Variants in IMMP2L observed in about 807,000 individuals in gnomAD.
IMMP2L encodes mitochondrial inner membrane protease subunit 2.
Under a neutral mutation model 19.3 loss-of-function variants are expected in IMMP2L, and 18 were observed. That is an observed-to-expected ratio of 0.93 (90% CI 0.64 to 1.38). The LOEUF is 1.38. IMMP2L is among the 40% of genes most tolerant of loss of function. The pLI, the probability that IMMP2L is intolerant of heterozygous loss-of-function variation, is 0.00. For synonymous variants in IMMP2L, 76 were observed against 73.0 expected, an observed-to-expected ratio of 1.04 and a Z score of -0.21; for missense variants, 233 against 218.2, an observed-to-expected ratio of 1.07 and a Z score of -0.43.
At chr7:111,168,517 T>C (rs1586663966) in intron 3 of IMMP2L, among the ~76,000 whole-genome samples, 1 of 151,942 alleles carries the variant, frequency 6.6e-6, no homozygotes, top group African/African-American at 2.4e-5. Flanking sequence ...AACCAGTTTA[T>C]ATTTTTTGGG....
chr7:111,047,188 T>G (rs1055145954), intron 3 of IMMP2L, among the ~76,000 whole-genome samples: 80 of 126,078 alleles, frequency 6.3e-4, no homozygotes, highest in East Asian at 6.0e-3. Context: ...TTTTTTTTGT[T>G]TTTTTTTTGT....
At chr7:111,223,824 G>GAATT (rs1197178788) in intron 3 of IMMP2L, among the ~76,000 whole-genome samples, 1 of 152,068 alleles carries the variant, frequency 6.6e-6, no homozygotes, top group African/African-American at 2.4e-5. Context: ...AGCAGTATCA[G>GAATT]GCCTTCGCTG....
intron 3 of IMMP2L, among the ~76,000 whole-genome samples, chr7:111,468,330 A>C (rs560647386): frequency 7.9e-5 from 12 of 152,020 alleles, no homozygotes; most frequent in African/African-American, 2.9e-4. Context: ...TTTACTTACA[A>C]AAAAAAAGAA....
At chr7:110,972,877 G>C (rs1172586148) in intron 3 of IMMP2L, among the ~76,000 whole-genome samples, 1 of 152,098 alleles carries the variant, frequency 6.6e-6, no homozygotes. Flanking sequence ...TCATTTAACA[G>C]GCACCTCAGA....
intron 3 of IMMP2L, among the ~76,000 whole-genome samples, chr7:111,362,075 A>G (rs1190447025): frequency 6.6e-6 from 1 of 152,058 alleles, no homozygotes; most frequent in Non-Finnish European, 1.5e-5. Flanking sequence ...CTGTTATACC[A>G]GTCTTTTAAG....
chr7:111,142,288 T>C (rs933904631), intron 3 of IMMP2L, among the ~76,000 whole-genome samples: 2 of 145,214 alleles, frequency 1.4e-5, no homozygotes, highest in African/African-American at 5.3e-5. Flanking sequence ...ATCGCGCCAC[T>C]GTGCTCCAGC....
intron 3 of IMMP2L, among the ~76,000 whole-genome samples, chr7:111,186,060 C>A (rs1808231715): frequency 6.6e-6 from 1 of 152,104 alleles, no homozygotes. Context: ...AATAACATCA[C>A]AAATTTTAAA....
At chr7:110,813,986 G>C (rs776932711) in intron 5 of IMMP2L, among the ~76,000 whole-genome samples, 1 of 151,872 alleles carries the variant, frequency 6.6e-6, no homozygotes, top group African/African-American at 2.4e-5. Context: ...ACTTAATTCA[G>C]AACACAGGCT....
intron 5 of IMMP2L, among the ~76,000 whole-genome samples, chr7:110,782,476 G>T (rs1263668032): frequency 2.0e-5 from 3 of 151,826 alleles, no homozygotes; most frequent in African/African-American, 7.3e-5. Flanking sequence ...GGTAGAGGTG[G>T]GGGACAGATG....
chr7:111,464,808 G>A (rs747293455), intron 3 of IMMP2L, among the ~76,000 whole-genome samples: 34 of 151,312 alleles, frequency 2.2e-4, no homozygotes, highest in African/African-American at 3.2e-4. Flanking sequence ...ATTTTTTCCC[G>A]AAACGGAGCC....
intron 3 of IMMP2L, among the ~76,000 whole-genome samples, chr7:111,257,867 G>A (rs942913018): frequency 1.3e-5 from 2 of 151,694 alleles, no homozygotes; most frequent in South Asian, 2.1e-4. Context: ...TGTGCCAGTT[G>A]CTTTGCTGCA....
intron 3 of IMMP2L, among the ~76,000 whole-genome samples, chr7:111,312,895 A>G: frequency 6.6e-6 from 1 of 152,160 alleles, no homozygotes; most frequent in East Asian, 1.9e-4. Flanking sequence ...AGAATAGGAA[A>G]TTTAATACCA....
chr7:110,941,723 T>C (rs1816743528), intron 4 of IMMP2L, among the ~76,000 whole-genome samples: 1 of 152,146 alleles, frequency 6.6e-6, no homozygotes, highest in Admixed American at 6.5e-5. Flanking sequence ...ATTGAGAAAG[T>C]GAAATCTAAT....
At chr7:111,042,145 C>T (rs1234460118) in intron 3 of IMMP2L, among the ~76,000 whole-genome samples, 1 of 152,026 alleles carries the variant, frequency 6.6e-6, no homozygotes, top group Non-Finnish European at 1.5e-5. Context: ...GTTGCATGTC[C>T]TGAGTTTTAA....
chr7:110,666,941 G>A (rs1197732116), intron 5 of IMMP2L, among the ~76,000 whole-genome samples: 1 of 152,064 alleles, frequency 6.6e-6, no homozygotes, highest in African/African-American at 2.4e-5. Flanking sequence ...GCATGATCTT[G>A]GCTCACTGCA....
Position 111,026,361 on chromosome 7 carries a change from C to T in IMMP2L, c.240-62796G>A, listed in dbSNP as rs190253412. ...AAGATGGCGTGTCACAGAAAAATTT[C>T]GCCATTTAATCCTTAAAACAAAGTA... On this transcript the variant is annotated intron_variant, in intron 3 of 5. Coordinates refer to ENST00000405709, the MANE Select transcript of IMMP2L (RefSeq NM_032549.4). Among the ~76,000 whole-genome samples, 12 of 152,170 alleles carry T rather than the reference C, an allele frequency of 7.9e-5. No individual in the cohort carries two copies. The East Asian group carries it at 1.4e-3, about 17-fold the overall frequency.
chr7:110,830,703 C>T (rs1803893985), intron 5 of IMMP2L, among the ~76,000 whole-genome samples: 2 of 152,098 alleles, frequency 1.3e-5, no homozygotes, highest in Admixed American at 6.6e-5. Flanking sequence ...ATTGTCCCTA[C>T]TGTTTATAAT....
At chr7:110,713,520 T>TATTA (rs938553535) in intron 5 of IMMP2L, among the ~76,000 whole-genome samples, 1 of 152,218 alleles carries the variant, frequency 6.6e-6, no homozygotes, top group Non-Finnish European at 1.5e-5. Flanking sequence ...ATTTTCAGGA[T>TATTA]ATTAATTCTT....
rs368226173 is a variant in IMMP2L, at chr7:111,561,444, A to AG, written c.-3+406dup. 2.2e-3 allele frequency among the ~76,000 whole-genome samples: 336 copies of AG among 152,254 alleles called. 3 individuals carry two copies. Among genetic ancestry groups the AG allele is most frequent in the African/African-American group, 7.4e-3 (308 of 41,566 alleles). ...ACCCTTTTAAAATGTAAACATCCCT[A>AG]GGGGGGTTACTGTTCATTATCAAAC... On this transcript the variant is annotated intron_variant, in intron 1 of 5. Coordinates refer to ENST00000405709, the MANE Select transcript of IMMP2L (RefSeq NM_032549.4).
Sources: gnomAD v4.1 joint callset for allele counts (sites outside exome capture counted in the v4.1 genomes callset) on GRCh38, gnomAD v4.1.1 for gene constraint, MANE v1.5 for transcripts, NCBI Gene and HGNC (gene_info 2026-07-23, HGNC 2026-07-21) for gene names.